Variants in IKBIP observed in about 807,000 individuals in gnomAD.
IKBIP encodes the protein IKBKB interacting protein.
Under a neutral mutation model 31.0 loss-of-function variants are expected in IKBIP, and 28 were observed. The observed-to-expected ratio is 0.90, with a 90% CI of 0.67 to 1.24. IKBIP has a LOEUF of 1.24. Among genes scored for constraint, IKBIP ranks in the 50% most tolerant of loss-of-function variants. The probability of loss-of-function intolerance (pLI) is 0.00; values close to 1 mark genes in which losing one functional copy is unlikely to be tolerated. For synonymous variants in IKBIP, 164 were observed against 160.3 expected (o/e 1.02, Z -0.17); for missense variants, 453 against 441.9 (o/e 1.03, Z -0.23).
At chr12:98,631,630 G>C (rs946413402) in intron 2 of IKBIP, among the ~76,000 whole-genome samples, 2 of 149,530 alleles carry the variant, frequency 1.3e-5, no homozygotes, top group East Asian at 4.3e-4. Flanking sequence ...AAAATTAGAC[G>C]GGTGTGGTGG....
At chr12:98,632,549 G>A (rs1402979690) in intron 2 of IKBIP, among the ~76,000 whole-genome samples, 46 of 52,496 alleles carry the variant, frequency 8.8e-4, no homozygotes, top group East Asian at 1.1e-3. Context: ...ATATATATAT[G>A]AAGTTTCTTG....
Position 98,632,513 on chromosome 12 carries a change from ATATATATAT to A in IKBIP, c.297+1774_297+1782del, listed in dbSNP as rs1182792351. On this transcript the variant is annotated intron_variant, in intron 2 of 2. Coordinates refer to ENST00000299157, the MANE Select transcript of IKBIP (RefSeq NM_153687.4). ...AAAAAAAAAAAAAAAAAAAAAAAAA[ATATATATAT>A]ATATATATATATATATATATATATA... 5.0e-3 allele frequency among the ~76,000 whole-genome samples: 68 copies of A among 13,668 alleles called. 2 individuals are homozygous for A. Among genetic ancestry groups the A allele is most frequent in the Non-Finnish European group, 7.5e-3 (59 of 7,912 alleles). The allele number at this position is 13,668 out of a possible 152,430, so 9.0% of individuals were successfully genotyped here.
At position 98,625,304 on chromosome 12, in the gene IKBIP, A is replaced by T; in HGVS notation, c.*626T>A. On this transcript the variant is annotated 3_prime_UTR_variant, in exon 3 of 3. Transcript: ENST00000299157. ...AACACAGTTTAGAACCTTAACAAAA[A>T]CTAAAATGTTTCCCAGGCTTTAGAG... 1 of 982,948 alleles carries T rather than the reference A, an allele frequency of 1.0e-6. No homozygotes were observed. The highest frequency in any genetic ancestry group is 1.2e-6 in the Non-Finnish European group (1 of 827,648). The allele number at this position is 982,948 out of a possible 1,614,324, so 60.9% of individuals were successfully genotyped here.
At chr12:98,623,658 C>T (rs2097611839), downstream of IKBIP, among the ~76,000 whole-genome samples, 1 of 149,184 alleles carries the variant, frequency 6.7e-6, no homozygotes, top group African/African-American at 2.6e-5. Context: ...GCCTCAGCCT[C>T]CCAAAGTATT....
At chr12:98,616,476 A>C (rs1262198022) in intron 2 of IKBIP, among the ~76,000 whole-genome samples, 1 of 152,150 alleles carries the variant, frequency 6.6e-6, no homozygotes, top group African/African-American at 2.4e-5. Flanking sequence ...TCTGTACAGA[A>C]GATTTTAGTT....
In IKBIP at chr12:98,626,743, C is replaced by T; in HGVS notation, c.321G>A (p.Leu107=). The T allele has an allele frequency of 1.2e-6, 2 of 1,607,204 alleles. No homozygotes were observed. The highest frequency in any genetic ancestry group is 1.7e-6 in the Non-Finnish European group (2 of 1,175,908). Residue 107 remains leucine, a synonymous_variant, in exon 3 of 3, where the codon CTG becomes CTA. Transcript: ENST00000299157. The part of the protein sequence containing the change: ...SEKLESTESI[L]QEATSSMSLM... ...AAGACATGGATGATGTAGCTTCCTG[C>T]AGGATGCTTTCAGTAGACTCAAGCT... is the stretch of plus-strand genomic sequence containing the variant.
Position 98,626,540 on chromosome 12 carries a change from G to A in IKBIP, c.524C>T (p.Ser175Leu). 1 of 1,612,910 alleles carries A rather than the reference G, an allele frequency of 6.2e-7. No homozygotes were observed. The highest frequency in any genetic ancestry group is 8.5e-7 in the Non-Finnish European group (1 of 1,179,480). ...EMNINTDIFK[S>L]EAKHIHSQVT... The stretch of plus-strand genomic sequence containing the variant: ...TTGAGAATGTATATGTTTTGCTTCT[G>A]ATTTGAAAATGTCTGTATTAATGTT... Residue 175 changes from serine to leucine, a missense_variant, in exon 3 of 3, where the codon TCA (serine) becomes TTA (leucine). Coordinates refer to ENST00000299157, the MANE Select transcript of IKBIP (RefSeq NM_153687.4).
intron 2 of IKBIP, among the ~76,000 whole-genome samples, chr12:98,614,592 T>G (rs1167638085): frequency 6.6e-6 from 1 of 151,434 alleles, no homozygotes; most frequent in Non-Finnish European, 1.5e-5. Context: ...CTCAGCTAAC[T>G]TTTTTTGTAT....
chr12:98,617,573 A>C (rs1284694290), intron 2 of IKBIP, among the ~76,000 whole-genome samples: 1 of 152,230 alleles, frequency 6.6e-6, no homozygotes, highest in Non-Finnish European at 1.5e-5. Flanking sequence ...TGAAGAAGGG[A>C]AAATTACATA....
chr12:98,640,264 G>A (rs34555661), intron 1 of IKBIP, among the ~76,000 whole-genome samples: 23,047 of 152,000 alleles, frequency 0.15, 1,910 homozygotes, highest in Non-Finnish European at 0.18. Context: ...GAGAAACCCT[G>A]TCTCTACTAA....
intron 2 of IKBIP, among the ~76,000 whole-genome samples, chr12:98,619,014 ACACTT>A (rs1308325890): frequency 6.6e-6 from 1 of 152,178 alleles, no homozygotes; most frequent in Non-Finnish European, 1.5e-5. Flanking sequence ...ATTTCAAAAT[ACACTT>A]GAGGATTTTT....
chr12:98,633,702 G>A (rs915773750), intron 2 of IKBIP, among the ~76,000 whole-genome samples: 2 of 151,756 alleles, frequency 1.3e-5, no homozygotes, highest in Non-Finnish European at 2.9e-5. Context: ...TTTTACTAGA[G>A]ATGGGGTTTC....
chr12:98,643,850 C>A lies in IKBIP; in HGVS notation c.179+673G>T, dbSNP rs1226295439. On this transcript the variant is annotated intron_variant, in intron 1 of 2. Transcript: ENST00000299157. The stretch of plus-strand genomic sequence containing the variant: ...TTTTTTTTTGAGACGGAGTCTCGCT[C>A]GGTCGCCCAGGCTGGAGTGCAGTGA... Among the ~76,000 whole-genome samples, 5 of 116,854 alleles carry A rather than the reference C, an allele frequency of 4.3e-5. No individual in the cohort carries two copies. The South Asian group carries it at 1.6e-3, about 37-fold the overall frequency. 76.7% of individuals were successfully genotyped at this position (116,854 alleles called of 152,430 possible).
chr12:98,631,363 C>T lies in IKBIP; in HGVS notation c.297+2933G>A, dbSNP rs575871927. On this transcript the variant is annotated intron_variant, in intron 2 of 2. Transcript: ENST00000299157. Reference sequence around the variant, plus strand: ...TGGTGCAATCTCGGCTCACTGTGACCTCTGCCTCCCCGGTTTAAGCGATTC... The same window carrying T: ...TGGTGCAATCTCGGCTCACTGTGACTTCTGCCTCCCCGGTTTAAGCGATTC... Among the ~76,000 whole-genome samples the T allele has an allele frequency of 2.0e-5, 3 of 151,946 alleles. No individual in the cohort carries two copies. In the South Asian group the frequency reaches 6.2e-4, roughly 32 times the overall value.
chr12:98,632,963 C>T (rs890833370), intron 2 of IKBIP, among the ~76,000 whole-genome samples: 8 of 152,074 alleles, frequency 5.3e-5, no homozygotes, highest in African/African-American at 1.9e-4. Flanking sequence ...AAAATACCAA[C>T]TCCTTTGCAG....
rs545386225 is a variant in IKBIP at position 98,618,523 on chromosome 12, G to A, written c.298-4183C>T. On this transcript the variant is annotated intron_variant, in intron 2 of 2. Coordinates refer to the IKBIP transcript ENST00000342502. ...CGCCTGTAGTCCCAGCTACTCAGGA[G>A]GCTGAAGTAGGAGAATGGCGTGAAC... Among the ~76,000 whole-genome samples, 75 of 152,130 alleles carry A rather than the reference G, an allele frequency of 4.9e-4. 1 individual carries two copies. The South Asian group carries it at 5.6e-3, about 11-fold the overall frequency.
downstream of IKBIP, among the ~76,000 whole-genome samples, chr12:98,623,289 G>A (rs1478662876): frequency 2.0e-5 from 3 of 150,708 alleles, no homozygotes; most frequent in South Asian, 2.1e-4. Flanking sequence ...ATCCAGTACT[G>A]TTATGCTTTT....
chr12:98,614,277 G>A (rs143442400), exon 3 of IKBIP: 14 of 1,603,590 alleles, frequency 8.7e-6, no homozygotes, highest in African/African-American at 5.4e-5. Context: ...TCCTGTAGAC[G>A]CTTTAGATGA....
chr12:98,641,764 T>C (rs1328803761), intron 1 of IKBIP, among the ~76,000 whole-genome samples: 1 of 150,422 alleles, frequency 6.6e-6, no homozygotes, highest in Non-Finnish European at 1.5e-5. Context: ...CAAGCTATCT[T>C]CTCACCTCAG....
Sources: allele counts gnomAD v4.1 joint callset (sites outside exome capture counted in the v4.1 genomes callset), GRCh38; gene constraint gnomAD v4.1.1; transcripts MANE v1.5; gene names NCBI Gene and HGNC (gene_info 2026-07-23, HGNC 2026-07-21).